The following SLC12A8 variants were observed in gnomAD, a reference collection of about 807,000 sequenced individuals.
SLC12A8 encodes the protein solute carrier family 12 member 8.
SLC12A8 carries 69 observed loss-of-function variants against 75.6 expected under a neutral mutation model. That is an observed-to-expected ratio of 0.91 (90% CI 0.75 to 1.11). The LOEUF (loss-of-function observed/expected upper bound fraction) is 1.11. SLC12A8 is among the 50% of genes most tolerant of loss of function. The pLI, the probability that SLC12A8 is intolerant of heterozygous loss-of-function variation, is 0.00. For synonymous variants in SLC12A8, 365 were observed against 372.8 expected, an observed-to-expected ratio of 0.98 and a Z score of 0.24; for missense variants, 877 against 896.7, an observed-to-expected ratio of 0.98 and a Z score of 0.28.
At chr3:125,181,607 C>CAAAAAAAAAAAAAAA (rs67602083) in intron 4 of SLC12A8, among the ~76,000 whole-genome samples, 3 of 67,626 alleles carry the variant, frequency 4.4e-5, no homozygotes, top group Non-Finnish European at 7.8e-5. Flanking sequence ...GACTCCGTCT[C>CAAAAAAAAAAAAAAA]AAAAAAAAAA....
intron 5 of SLC12A8, among the ~76,000 whole-genome samples, chr3:125,138,845 A>AACACACACACACACAC (rs3061221): frequency 4.4e-5 from 6 of 137,746 alleles, no homozygotes; most frequent in South Asian, 2.6e-4. Flanking sequence ...CCTTCTACAA[A>AACACACACACACACAC]ACACACACAC....
In SLC12A8 at chr3:125,083,072, T is replaced by C. The variant is rs1294902349; in HGVS notation, c.*818A>G. The C allele has an allele frequency of 6.6e-6, 1 of 152,178 alleles. No individual in the cohort carries two copies. The highest frequency in any genetic ancestry group is 1.5e-5 in the Non-Finnish European group (1 of 68,038). 9.4% of individuals were successfully genotyped at this position (152,178 alleles called of 1,614,324 possible). A position where few individuals can be genotyped will look rare whatever the true frequency, so the allele number is the denominator to read the frequency against. On this transcript the variant is annotated 3_prime_UTR_variant, in exon 14 of 14. Coordinates refer to ENST00000469902, the MANE Select transcript of SLC12A8 (RefSeq NM_024628.6). Reference sequence around the variant, plus strand: ...ATGCTGGATGTACGGATGAGAATAGTGGTTACCTCTAGGCCAGGGTAGACA... The same window carrying C: ...ATGCTGGATGTACGGATGAGAATAGCGGTTACCTCTAGGCCAGGGTAGACA...
chr3:125,163,840 C>A (rs1211977249), intron 5 of SLC12A8, among the ~76,000 whole-genome samples: 1 of 152,218 alleles, frequency 6.6e-6, no homozygotes, highest in Non-Finnish European at 1.5e-5. Flanking sequence ...AGCAGCTGGG[C>A]TCCCAAGCTG....
At chr3:125,202,146 G>A (rs371083095) in intron 2 of SLC12A8, among the ~76,000 whole-genome samples, 3 of 152,206 alleles carry the variant, frequency 2.0e-5, no homozygotes, top group East Asian at 3.8e-4. Flanking sequence ...CTGACTTGAG[G>A]TGATCTGCTC....
At chr3:125,099,818 C>G (rs752248889) in intron 10 of SLC12A8, among the ~76,000 whole-genome samples, 2 of 152,108 alleles carry the variant, frequency 1.3e-5, no homozygotes, top group Non-Finnish European at 2.9e-5. Flanking sequence ...ATCCCAGCTA[C>G]TCAGGAGGCT....
chr3:125,165,085 T>C (rs912686630), intron 5 of SLC12A8, among the ~76,000 whole-genome samples: 2 of 152,212 alleles, frequency 1.3e-5, no homozygotes, highest in Non-Finnish European at 2.9e-5. Context: ...TCACTGTTCC[T>C]GCATCTTTGA....
At chr3:125,196,694 A>T (rs762241399) in intron 2 of SLC12A8, among the ~76,000 whole-genome samples, 3 of 152,210 alleles carry the variant, frequency 2.0e-5, no homozygotes, top group Non-Finnish European at 2.9e-5. Flanking sequence ...TTTGGGAGAC[A>T]GAAGCTGGAT....
chr3:125,145,781 T>G (rs1229036606), intron 5 of SLC12A8, among the ~76,000 whole-genome samples: 1 of 152,270 alleles, frequency 6.6e-6, no homozygotes, highest in Admixed American at 6.5e-5. Flanking sequence ...ATAAAAGTTT[T>G]ATGAATGTGG....
At chr3:125,136,375 G>A (rs935387164) in intron 5 of SLC12A8, among the ~76,000 whole-genome samples, 1 of 152,052 alleles carries the variant, frequency 6.6e-6, no homozygotes, top group Non-Finnish European at 1.5e-5. Context: ...TCTAAGCATC[G>A]TAGTGGGCCA....
chr3:125,160,973 G>T (rs1371603488), intron 5 of SLC12A8, among the ~76,000 whole-genome samples: 2 of 152,170 alleles, frequency 1.3e-5, no homozygotes, highest in Non-Finnish European at 2.9e-5. Context: ...CTCTTAAGTG[G>T]TTTGTTGGTT....
chr3:125,141,425 T>A (rs1195303786), intron 5 of SLC12A8, among the ~76,000 whole-genome samples: 3 of 152,158 alleles, frequency 2.0e-5, no homozygotes, highest in Non-Finnish European at 4.4e-5. Flanking sequence ...CTAGTGGGAC[T>A]GAGAACTGCT....
chr3:125,092,629 T>C (rs1019335340), intron 10 of SLC12A8, among the ~76,000 whole-genome samples: 1 of 152,102 alleles, frequency 6.6e-6, no homozygotes, highest in Non-Finnish European at 1.5e-5. Context: ...ACTCTGAAAG[T>C]TAGCTCGTGT....
intron 3 of SLC12A8, among the ~76,000 whole-genome samples, chr3:125,189,176 C>T (rs1331290797): frequency 6.6e-6 from 1 of 152,214 alleles, no homozygotes; most frequent in Non-Finnish European, 1.5e-5. Context: ...GAAGGCCTTA[C>T]AAGCAAAGGC....
At chr3:125,190,272 C>T in intron 3 of SLC12A8, 103 bp downstream of exon 3, 1 of 1,277,902 alleles carries the variant, frequency 7.8e-7, no homozygotes, top group Non-Finnish European at 1.1e-6. Context: ...TCAGGAGCAT[C>T]TGTGCTTCAG....
intron 10 of SLC12A8, among the ~76,000 whole-genome samples, chr3:125,096,875 AGT>A (rs1430685994): frequency 2.0e-5 from 3 of 151,952 alleles, no homozygotes; most frequent in Admixed American, 6.6e-5. Flanking sequence ...TTGACATCAC[AGT>A]GTGTATTTGC....
At chr3:125,195,140 T>C (rs1934983008) in intron 2 of SLC12A8, among the ~76,000 whole-genome samples, 1 of 152,376 alleles carries the variant, frequency 6.6e-6, no homozygotes, top group East Asian at 1.9e-4. Flanking sequence ...GAGGATTTCT[T>C]CAGGGAAGTT....
chr3:125,181,560 C>T (rs1934659537), intron 4 of SLC12A8, among the ~76,000 whole-genome samples: 1 of 136,856 alleles, frequency 7.3e-6, no homozygotes. Context: ...GAGATTGCGC[C>T]ACTGCAGTCC....
intron 10 of SLC12A8, among the ~76,000 whole-genome samples, chr3:125,100,553 A>C (rs1938842530): frequency 6.6e-6 from 1 of 151,428 alleles, no homozygotes. Context: ...GATTACAGGC[A>C]TGTGCCACCA....
In SLC12A8 at chr3:125,107,560, G is replaced by T; in HGVS notation, c.1626C>A (p.Ser542Arg). 1 of 1,614,122 alleles carries T rather than the reference G, an allele frequency of 6.2e-7. No individual in the cohort carries two copies. Among genetic ancestry groups the T allele is most frequent in the Non-Finnish European group, 8.5e-7 (1 of 1,180,006 alleles). Residue 542 changes from serine (S) to arginine (R), a missense_variant, in exon 10 of 14, where the codon AGC becomes AGA. By Grantham distance (110) the Ser-to-Arg change is moderately radical. Coordinates refer to ENST00000469902, the MANE Select transcript of SLC12A8 (RefSeq NM_024628.6). ...ESCWNKQTSKSEGTQPEGTYG... is the reference protein window; with the variant it reads ...ESCWNKQTSKREGTQPEGTYG... ...ATGTTCCCTCAGGCTGAGTCCCTTC[G>T]CTCTTGGAAGTCTGCTTGTTCCAGC...
Sources: gnomAD v4.1 joint callset for allele counts (sites outside exome capture counted in the v4.1 genomes callset) on GRCh38, gnomAD v4.1.1 for gene constraint, MANE v1.5 for transcripts, NCBI Gene and HGNC (gene_info 2026-07-23, HGNC 2026-07-21) for gene names.